Variants in SYNJ1 observed in about 807,000 individuals in gnomAD.
The protein encoded by SYNJ1 is synaptojanin 1.
SYNJ1 carries 78 observed loss-of-function variants against 168.2 expected under a neutral mutation model. The ratio of observed to expected loss-of-function variants is 0.46; its 90% CI spans 0.39 to 0.56. The LOEUF is 0.56. Ranked by LOEUF, SYNJ1 falls within the 20% of genes least tolerant of loss-of-function variation. The probability of loss-of-function intolerance (pLI) is 0.00; values close to 1 mark genes in which losing one functional copy is unlikely to be tolerated. For missense variants in SYNJ1, 1,303 were observed against 1,597.6 expected (o/e 0.82, Z 3.14); for synonymous variants, 539 against 548.6 (o/e 0.98, Z 0.24).
Position 32,642,113 on chromosome 21 carries a change from T to C in SYNJ1, c.3499A>G (p.Thr1167Ala), listed in dbSNP as rs769768265. ...EMEAPKSPGT[T>A]RKDNIGRSQP... is the part of the protein sequence containing the mutation. ...TTTTTACCTATATTATCTTTCCTTGTTGTTCCAGGGCTTTTGGGTGCTTTG... is the reference window on the plus strand; with the variant it reads ...TTTTTACCTATATTATCTTTCCTTGCTGTTCCAGGGCTTTTGGGTGCTTTG... The change falls in exon 28 of 33, where the codon ACA (threonine) becomes GCA (alanine). Residue 1167 changes from threonine (T) to alanine (A), a missense_variant. By Grantham distance (58) the Thr-to-Ala change is moderately conservative. Transcript: ENST00000674351. 1.1e-5 allele frequency: 18 copies of C among 1,614,046 alleles called. No individual in the cohort carries two copies. Among genetic ancestry groups the C allele is most frequent in the South Asian group, 2.2e-5 (2 of 91,088 alleles).
chr21:32,689,946 C>T (rs1316589938), intron 6 of SYNJ1, among the ~76,000 whole-genome samples: 1 of 152,238 alleles, frequency 6.6e-6, no homozygotes, highest in Non-Finnish European at 1.5e-5. Flanking sequence ...AGAAAACTCA[C>T]AAGTTGATAC....
At chr21:32,695,564 A>C (rs2042172122) in intron 4 of SYNJ1, among the ~76,000 whole-genome samples, 1 of 151,944 alleles carries the variant, frequency 6.6e-6, no homozygotes, top group Admixed American at 6.6e-5. Flanking sequence ...TTTATAACCT[A>C]ACTTGTTCCA....
intron 2 of SYNJ1, among the ~76,000 whole-genome samples, chr21:32,714,101 A>T (rs1027350047): frequency 2.6e-5 from 4 of 152,210 alleles, no homozygotes; most frequent in African/African-American, 4.8e-5. Flanking sequence ...ATTATAATTT[A>T]AAAAGCTTAT....
intron 13 of SYNJ1, among the ~76,000 whole-genome samples, chr21:32,673,976 A>T (rs2041305764): frequency 1.3e-5 from 2 of 152,250 alleles, no homozygotes; most frequent in South Asian, 4.1e-4. Context: ...ATTTAAGAAC[A>T]TTTACATTTA....
intron 4 of SYNJ1, among the ~76,000 whole-genome samples, chr21:32,696,558 T>G (rs2042220298): frequency 6.6e-6 from 1 of 152,188 alleles, no homozygotes; most frequent in Admixed American, 6.5e-5. Flanking sequence ...GTGGAAAAAC[T>G]CTATCAATTT....
At chr21:32,726,435 T>C (rs193049986) in intron 2 of SYNJ1, among the ~76,000 whole-genome samples, 2 of 152,216 alleles carry the variant, frequency 1.3e-5, no homozygotes, top group East Asian at 3.9e-4. Flanking sequence ...TACCAGTAAA[T>C]ATGTCAAGCA....
intron 2 of SYNJ1, 119 bp downstream of exon 2, chr21:32,726,653 T>C: frequency 7.7e-7 from 1 of 1,291,220 alleles, no homozygotes; most frequent in African/African-American, 1.5e-5. Context: ...ACAAGCATAA[T>C]CTGCTAGAGG....
chr21:32,634,997 C>G, intron 31 of SYNJ1, 113 bp from the exon 32 acceptor site: 1 of 1,000,802 alleles, frequency 1.0e-6, no homozygotes, highest in Non-Finnish European at 1.5e-6. Flanking sequence ...AGACAGAACC[C>G]AAGAGCAGCA....
At chr21:32,721,610 C>T (rs895956578) in intron 2 of SYNJ1, among the ~76,000 whole-genome samples, 8 of 151,218 alleles carry the variant, frequency 5.3e-5, no homozygotes, top group Middle Eastern at 3.4e-3. Flanking sequence ...ACCCAGGAGG[C>T]GGAGGCTGTA....
chr21:32,727,083 C>T, intron 1 of SYNJ1, 166 bp from the exon 2 acceptor site: 1 of 897,158 alleles, frequency 1.1e-6, no homozygotes, highest in Non-Finnish European at 1.6e-6. Context: ...GATAAGTCGT[C>T]ACTTAATTTT....
At chr21:32,712,252 G>A (rs962715778) in intron 2 of SYNJ1, among the ~76,000 whole-genome samples, 1 of 152,172 alleles carries the variant, frequency 6.6e-6, no homozygotes, top group Non-Finnish European at 1.5e-5. Context: ...TTATTTGCAT[G>A]CAGACAGCAC....
At chr21:32,691,971 G>A (rs1283578753) in intron 6 of SYNJ1, among the ~76,000 whole-genome samples, 2 of 152,322 alleles carry the variant, frequency 1.3e-5, no homozygotes, top group Non-Finnish European at 2.9e-5. Flanking sequence ...GGACATAGGT[G>A]CCTAGTAAAT....
intron 30 of SYNJ1, 99 bp from the exon 31 acceptor site, chr21:32,639,224 TC>T (rs1569026575): frequency 8.9e-7 from 1 of 1,122,356 alleles, no homozygotes; most frequent in Non-Finnish European, 1.3e-6. Flanking sequence ...AGTTATTTCT[TC>T]CCCCAATAAG....
At chr21:32,658,024 A>C in intron 18 of SYNJ1, 152 bp from the exon 19 acceptor site, 1 of 615,134 alleles carries the variant, frequency 1.6e-6, no homozygotes, top group South Asian at 2.2e-5. Context: ...GAATGGAACA[A>C]AGCTTAGAAA....
chr21:32,676,196 A>G (rs1184333658), intron 13 of SYNJ1, 136 bp downstream of exon 13: 2 of 537,080 alleles, frequency 3.7e-6, no homozygotes, highest in African/African-American at 3.9e-5. Flanking sequence ...AAAACAAGAT[A>G]TCAATTTATC....
chr21:32,671,056 C>CCAAACA (rs2041167197), intron 14 of SYNJ1, among the ~76,000 whole-genome samples: 2 of 152,106 alleles, frequency 1.3e-5, no homozygotes, highest in South Asian at 4.1e-4. Flanking sequence ...GCCTGTAATG[C>CCAAACA]CAAACACTTT....
chr21:32,670,624 GA>G lies in SYNJ1; in HGVS notation c.1727-253del, dbSNP rs983407735. ...CTTAAGCCCTTTCAGAATTCACTTT[GA>G]AAAAACTCTTGCTAAAGTTTTTACC... On this transcript the variant is annotated intron_variant, in intron 14 of 32. Transcript: ENST00000674351. 28 of 359,610 alleles carry G rather than the reference GA, an allele frequency of 7.8e-5. No individual in the cohort carries two copies. In the South Asian group the frequency reaches 2.6e-3, roughly 33 times the overall value. The allele number at this position is 359,610 out of a possible 1,614,324, so 22.3% of individuals were successfully genotyped here.
intron 15 of SYNJ1, among the ~76,000 whole-genome samples, chr21:32,669,337 T>G (rs2041086592): frequency 6.6e-6 from 1 of 152,194 alleles, no homozygotes. Context: ...TGGAAAAACT[T>G]GCGTTTTCAG....
intron 13 of SYNJ1, among the ~76,000 whole-genome samples, chr21:32,674,710 A>C (rs1482273263): frequency 1.3e-5 from 2 of 152,050 alleles, no homozygotes; most frequent in African/African-American, 4.8e-5. Context: ...AGAACCTTAA[A>C]AGCACCTCAA....
Sources: allele counts gnomAD v4.1 joint callset (sites outside exome capture counted in the v4.1 genomes callset), GRCh38; gene constraint gnomAD v4.1.1; transcripts MANE v1.5; gene names NCBI Gene and HGNC (gene_info 2026-07-23, HGNC 2026-07-21).